Variants in COL11A2 observed in about 807,000 individuals in gnomAD.
The protein encoded by COL11A2 is collagen type XI alpha 2 chain.
In COL11A2, 116 loss-of-function variants were observed where a neutral mutation model predicts 273.4. The observed-to-expected ratio is 0.42, with a 90% CI of 0.36 to 0.49. The LOEUF (loss-of-function observed/expected upper bound fraction) is 0.49. COL11A2 is among the 20% of genes least tolerant of loss of function. COL11A2 has a pLI of 0.00. For synonymous variants in COL11A2, 782 were observed against 864.2 expected (o/e 0.90, Z 1.67); for missense variants, 1,866 against 2,309.0 (o/e 0.81, Z 3.93).
rs1771159835 is a variant in COL11A2 at position 33,177,998 on chromosome 6, G to A, written c.1872+134C>T. On this transcript the variant is annotated intron_variant, in intron 21 of 65. Coordinates refer to ENST00000341947, the MANE Select transcript of COL11A2 (RefSeq NM_080680.3). The surrounding 1 kb of genome is among the most constrained non-coding windows in gnomAD (Gnocchi z 5.9). Reference sequence around the variant, plus strand: ...GAATGCTGAGGCAGGGCAGTGTGGGGCCAGAGCAGGGGGAGCTCACAGGGA... The same window carrying A: ...GAATGCTGAGGCAGGGCAGTGTGGGACCAGAGCAGGGGGAGCTCACAGGGA... The A allele has an allele frequency of 2.0e-6, 2 of 1,008,124 alleles. No individual in the cohort carries two copies. Among genetic ancestry groups the A allele is most frequent in the Admixed American group, 2.2e-5 (1 of 45,566 alleles). The allele number at this position is 1,008,124 out of a possible 1,614,324, so 62.4% of individuals were successfully genotyped here. A position where few individuals can be genotyped will look rare whatever the true frequency, so the allele number is the denominator to read the frequency against.
chr6:33,173,755 G>T lies in COL11A2; in HGVS notation c.2584-10C>A. On this transcript the variant is annotated splice_polypyrimidine_tract_variant and intron_variant, in intron 34 of 65. Transcript: ENST00000341947. The surrounding 1 kb of genome is among the most constrained non-coding windows in gnomAD (Gnocchi z 6.3). The stretch of plus-strand genomic sequence containing the variant: ...CACCACCAGATGTTCCCTGTGGGGG[G>T]AAACAGAGTCAAGGAGTGGGAAGAG... The T allele has an allele frequency of 1.3e-6, 2 of 1,597,322 alleles. No individual in the cohort carries two copies. Among genetic ancestry groups the T allele is most frequent in the Non-Finnish European group, 1.7e-6 (2 of 1,169,108 alleles).
rs1562309099 is a variant in COL11A2 at position 33,166,097 on chromosome 6, CTA to C, written c.4428+72_4428+73del. ...GAATAAGGGGCTCCTTGGGGGGAGT[CTA>C]TTTGTCCTGGAGAGACATCATCAAG... On this transcript the variant is annotated intron_variant, in intron 61 of 65. Coordinates refer to ENST00000341947, the MANE Select transcript of COL11A2 (RefSeq NM_080680.3). This position sits in a 1 kb window ranked among gnomAD's most constrained non-coding sequence, Gnocchi z 4.8. 4 of 1,602,350 alleles carry C rather than the reference CTA, an allele frequency of 2.5e-6. No homozygotes were observed. Among genetic ancestry groups the C allele is most frequent in the Non-Finnish European group, 2.6e-6 (3 of 1,173,890 alleles).
At position 33,173,098 on chromosome 6, in the gene COL11A2, T is replaced by C. The variant is rs1770358465; in HGVS notation, c.2752A>G (p.Thr918Ala). ...ACTCCTGGAGGACCAGGGGGGCCGG[T>C]CTTCCCTTGGAAACCCTAGGCGAGG... ...QRGEVGFQGK[T>A]GPPGPPGVVG... is the part of the protein sequence containing the mutation. Residue 918 changes from threonine (T) to alanine (A), a missense_variant, in exon 38 of 66, where the codon ACC (threonine) becomes GCC (alanine). By Grantham distance (58) the Thr-to-Ala change is moderately conservative. Transcript: ENST00000341947. The surrounding 1 kb of genome is among the most constrained non-coding windows in gnomAD (Gnocchi z 6.3). The C allele has an allele frequency of 6.2e-7, 1 of 1,611,480 alleles. No homozygotes were observed. Among genetic ancestry groups the C allele is most frequent in the Non-Finnish European group, 8.5e-7 (1 of 1,179,534 alleles).
rs374223540 is a variant in COL11A2 at position 33,174,863 on chromosome 6, A to C, written c.2377-283T>G. On this transcript the variant is annotated intron_variant, in intron 30 of 65. Transcript: ENST00000341947. ...TCACTGTGATCTAGCTGCTTCCCAC[A>C]TGTCAACCTCAGCTCCATCTACCCC... Among the ~76,000 whole-genome samples the C allele has an allele frequency of 1.6e-3, 246 of 151,982 alleles. 6 individuals are homozygous for C. In the South Asian group the frequency reaches 0.033, roughly 21 times the overall value.
chr6:33,186,515 G>T lies in COL11A2; in HGVS notation c.798+112C>A, dbSNP rs779514164. 3 of 1,581,996 alleles carry T rather than the reference G, an allele frequency of 1.9e-6. No individual in the cohort carries two copies. In the African/African-American group the frequency reaches 4.1e-5, roughly 21 times the overall value. ...TGATGAATGAGGACTAGGAGGAGGG[G>T]GTGATGGGAATAGGGAGATGAGGGT... On this transcript the variant is annotated intron_variant, in intron 5 of 65. Transcript: ENST00000341947.
Position 33,169,755 on chromosome 6 carries a change from G to T in COL11A2, c.3690+76C>A, listed in dbSNP as rs898179418. The T allele has an allele frequency of 1.3e-6, 2 of 1,562,554 alleles. No homozygotes were observed. Among genetic ancestry groups the T allele is most frequent in the African/African-American group, 2.7e-5 (2 of 73,960 alleles). ...CTGCAGAGGAGTTCCAGCTCAAGGA[G>T]GTCACAGGAAAAGTGGAGGCAGGGT... On this transcript the variant is annotated intron_variant, in intron 50 of 65. Coordinates refer to ENST00000341947, the MANE Select transcript of COL11A2 (RefSeq NM_080680.3). The surrounding 1 kb of genome is among the most constrained non-coding windows in gnomAD (Gnocchi z 5.5).
Position 33,166,023 on chromosome 6 carries a change from G to T in COL11A2, c.4429-39C>A. 6.2e-7 allele frequency: 1 copy of T among 1,613,422 alleles called. No individual in the cohort carries two copies. The highest frequency in any genetic ancestry group is 8.5e-7 in the Non-Finnish European group (1 of 1,179,562). ...AATCAGGTCATGGAGGGGTCAAGAG[G>T]TCAAGCATGGATCAAGGTCACAGAA... On this transcript the variant is annotated intron_variant, in intron 61 of 65. Coordinates refer to ENST00000341947, the MANE Select transcript of COL11A2 (RefSeq NM_080680.3). This position sits in a 1 kb window ranked among gnomAD's most constrained non-coding sequence, Gnocchi z 4.8.
At chr6:33,175,158 A>T (rs1423581577) in intron 30 of COL11A2, among the ~76,000 whole-genome samples, 1 of 152,226 alleles carries the variant, frequency 6.6e-6, no homozygotes, top group Non-Finnish European at 1.5e-5. Flanking sequence ...GCAAAACAGT[A>T]CGTCACATGC....
rs148565846 is a variant in COL11A2 at position 33,185,027 on chromosome 6, T to A, written c.904A>T (p.Ile302Phe). Reference sequence around the variant, plus strand: ...GGTGGCAAGAGGCTCGACTCCAGGATTTCTTCCTCTTCACCTGGGGTGGGG... The same window carrying A: ...GGTGGCAAGAGGCTCGACTCCAGGAATTCTTCCTCTTCACCTGGGGTGGGG... ...QDPTPGEEEE[I>F]LESSLLPPLE... Residue 302 changes from isoleucine (I) to phenylalanine (F), a missense_variant, in exon 7 of 66, where the codon ATC becomes TTC. Ile to Phe is a conservative substitution (Grantham distance 21, BLOSUM62 0). Coordinates refer to ENST00000341947, the MANE Select transcript of COL11A2 (RefSeq NM_080680.3). 1.3e-6 allele frequency: 2 copies of A among 1,551,212 alleles called. No homozygotes were observed. Among genetic ancestry groups the A allele is most frequent in the African/African-American group, 1.4e-5 (1 of 72,988 alleles).
rs3129201 is a variant in COL11A2 at position 33,179,812 on chromosome 6, T to G, written c.1360-7A>C. The stretch of plus-strand genomic sequence containing the variant: ...CACCACTGCCAAACCGGAACTGAGG[T>G]CAAGGAGAGAAGGTCCAGGTTCTCT... On this transcript the variant is annotated splice_region_variant and splice_polypyrimidine_tract_variant and intron_variant, in intron 12 of 65. Transcript: ENST00000341947. This position sits in a 1 kb window ranked among gnomAD's most constrained non-coding sequence, Gnocchi z 6.4. 1 allele frequency: 1,609,415 copies of G among 1,609,422 alleles called. 804,704 individuals are homozygous for G. Among genetic ancestry groups the G allele is most frequent in the Middle Eastern group, 1 (6,062 of 6,062 alleles).
Position 33,165,901 on chromosome 6 carries a change from C to G in COL11A2, c.4482+30G>C. ...GCAGCAGTGGAGCAGAGGGGTACGG[C>G]CCTGGGAGCAGCCCTGACTCCTCAC... On this transcript the variant is annotated intron_variant, in intron 62 of 65. Coordinates refer to ENST00000341947, the MANE Select transcript of COL11A2 (RefSeq NM_080680.3). This position sits in a 1 kb window ranked among gnomAD's most constrained non-coding sequence, Gnocchi z 7.7. 3 of 1,613,632 alleles carry G rather than the reference C, an allele frequency of 1.9e-6. No individual in the cohort carries two copies. The highest frequency in any genetic ancestry group is 2.5e-6 in the Non-Finnish European group (3 of 1,179,968).
At chr6:33,182,704 C>G (rs1771883023) in intron 8 of COL11A2, among the ~76,000 whole-genome samples, 1 of 150,354 alleles carries the variant, frequency 6.7e-6, no homozygotes, top group African/African-American at 2.4e-5. Flanking sequence ...GAGTGAGACC[C>G]TGCCTCAAAA....
At position 33,175,648 on chromosome 6, in the gene COL11A2, C is replaced by T; in HGVS notation, c.2302G>A (p.Asp768Asn). 1.2e-6 allele frequency: 2 copies of T among 1,613,008 alleles called. No homozygotes were observed. Among genetic ancestry groups the T allele is most frequent in the Non-Finnish European group, 1.7e-6 (2 of 1,180,022 alleles). The change falls in exon 30 of 66, where the codon GAT becomes AAT. Residue 768 changes from aspartate to asparagine, a missense_variant. Physicochemically the swap from Asp to Asn is conservative, Grantham distance 23 (BLOSUM62 1). Coordinates refer to ENST00000341947, the MANE Select transcript of COL11A2 (RefSeq NM_080680.3). ...EVGVPGSRGE[D>N]GPEGPKGRTG... ...CGTCCCTTTGGCCCCTCAGGACCATCCTCTCCCCTGGAACCAGGGACTCCA... is the reference window on the plus strand; with the variant it reads ...CGTCCCTTTGGCCCCTCAGGACCATTCTCTCCCCTGGAACCAGGGACTCCA...
Position 33,166,233 on chromosome 6 carries a change from C to A in COL11A2, c.4393-27G>T. On this transcript the variant is annotated intron_variant, in intron 60 of 65. Transcript: ENST00000341947. The surrounding 1 kb of genome is among the most constrained non-coding windows in gnomAD (Gnocchi z 4.8). Reference sequence around the variant, plus strand: ...TGTGAAATGAGGAACAAGAAAGAGACGGTCACTGCAGGGGAAGGACAGGAC... The same window carrying A: ...TGTGAAATGAGGAACAAGAAAGAGAAGGTCACTGCAGGGGAAGGACAGGAC... 1.3e-6 allele frequency: 2 copies of A among 1,589,408 alleles called. No homozygotes were observed. Among genetic ancestry groups the A allele is most frequent in the Non-Finnish European group, 1.7e-6 (2 of 1,168,800 alleles).
Position 33,173,070 on chromosome 6 carries a change from A to T in COL11A2, c.2780T>A (p.Val927Glu). ...TAGGGACAAACCTACCTGAGGTCCC[A>T]CCACTCCTGGAGGACCAGGGGGGCC... is the stretch of plus-strand genomic sequence containing the variant. ...KTGPPGPPGV[V>E]GPQGAAGETG... The change falls in exon 38 of 66, where the codon GTG becomes GAG. Residue 927 changes from valine to glutamate, a missense_variant. Transcript: ENST00000341947. This position sits in a 1 kb window ranked among gnomAD's most constrained non-coding sequence, Gnocchi z 6.3. 1 of 1,612,560 alleles carries T rather than the reference A, an allele frequency of 6.2e-7. No homozygotes were observed.
rs1328288608 is a variant in COL11A2, at chr6:33,180,378, ACAT to A, written c.1285-49_1285-47del. ...AAAAGATGGGGTGAAAGATAAGGGGACATCAAGATCTTAGCATGATTTTGAAAT... is the reference window on the plus strand; with the variant it reads ...AAAAGATGGGGTGAAAGATAAGGGGACAAGATCTTAGCATGATTTTGAAAT... On this transcript the variant is annotated intron_variant, in intron 11 of 65. Coordinates refer to ENST00000341947, the MANE Select transcript of COL11A2 (RefSeq NM_080680.3). 3 of 1,483,178 alleles carry A rather than the reference ACAT, an allele frequency of 2.0e-6. 1 individual carries two copies. The Admixed American group carries it at 5.1e-5, about 25-fold the overall frequency. The allele number at this position is 1,483,178 out of a possible 1,614,324, so 91.9% of individuals were successfully genotyped here.
At position 33,166,862 on chromosome 6, in the gene COL11A2, A is replaced by G; in HGVS notation, c.4231-35T>C. 6.2e-7 allele frequency: 1 copy of G among 1,606,558 alleles called. No homozygotes were observed. The highest frequency in any genetic ancestry group is 8.5e-7 in the Non-Finnish European group (1 of 1,175,834). ...GGTGCAGGCAGTCAAGAGAATGCAAAGAGGAGTCATGTGGATGGGGGAGAA... is the reference window on the plus strand; with the variant it reads ...GGTGCAGGCAGTCAAGAGAATGCAAGGAGGAGTCATGTGGATGGGGGAGAA... On this transcript the variant is annotated intron_variant, in intron 58 of 65. Coordinates refer to ENST00000341947, the MANE Select transcript of COL11A2 (RefSeq NM_080680.3). The surrounding 1 kb of genome is among the most constrained non-coding windows in gnomAD (Gnocchi z 4.8).
intron 1 of COL11A2, among the ~76,000 whole-genome samples, chr6:33,191,768 A>G (rs931069199): frequency 9.9e-5 from 15 of 152,208 alleles, no homozygotes; most frequent in Non-Finnish European, 1.8e-4. Flanking sequence ...TCCCAGAGAT[A>G]TCGACAGAAA....
Position 33,184,258 on chromosome 6 carries a change from C to A in COL11A2, c.1006G>T (p.Gly336Cys). ...TAGGGCCCTTCAGGGGGGTCTGTGC[C>A]ACCCTCCCCATATTCCTCTGCCTGG... ...RFQAEEYGEG[G>C]TDPPEGPYDY... Residue 336 changes from glycine (G) to cysteine (C), a missense_variant, in exon 8 of 66, where the codon GGC becomes TGC. Gly to Cys is a radical substitution (Grantham distance 159). Coordinates refer to ENST00000341947, the MANE Select transcript of COL11A2 (RefSeq NM_080680.3). The A allele has an allele frequency of 7.3e-7, 1 of 1,367,690 alleles. No individual in the cohort carries two copies. Among genetic ancestry groups the A allele is most frequent in the Non-Finnish European group, 9.8e-7 (1 of 1,021,978 alleles). 84.7% of individuals were successfully genotyped at this position (1,367,690 alleles called of 1,614,324 possible). A position where few individuals can be genotyped will look rare whatever the true frequency, so the allele number is the denominator to read the frequency against.
Sources: gnomAD v4.1 joint callset for allele counts (sites outside exome capture counted in the v4.1 genomes callset) on GRCh38, gnomAD v4.1.1 for gene constraint, Gnocchi (gnomAD v3.1) non-coding constraint, MANE v1.5 for transcripts, NCBI Gene and HGNC (gene_info 2026-07-23, HGNC 2026-07-21) for gene names.